The following CFAP54 variants were observed in gnomAD, a reference collection of about 807,000 sequenced individuals.
CFAP54 encodes the protein cilia- and flagella-associated protein 54.
A neutral mutation model predicts 370.4 loss-of-function variants in CFAP54; 290 were observed. That is an observed-to-expected ratio of 0.78 (90% CI 0.71 to 0.86). The LOEUF (loss-of-function observed/expected upper bound fraction) is 0.86. CFAP54 is among the 40% of genes least tolerant of loss of function. The probability of loss-of-function intolerance (pLI) is 0.00; values close to 1 mark genes in which losing one functional copy is unlikely to be tolerated. For synonymous variants in CFAP54, 1,206 were observed against 1,236.5 expected, an observed-to-expected ratio of 0.98 and a Z score of 0.52; for missense variants, 3,399 against 3,528.7, an observed-to-expected ratio of 0.96 and a Z score of 0.93.
intron 39 of CFAP54, among the ~76,000 whole-genome samples, chr12:96,677,494 C>G (rs1957224641): frequency 6.6e-6 from 1 of 152,112 alleles, no homozygotes; most frequent in African/African-American, 2.4e-5. Flanking sequence ...AACCTACAAT[C>G]TTCGGGGTGT....
chr12:96,547,970 A>G lies in CFAP54; in HGVS notation c.2146A>G (p.Ile716Val). 1 of 1,466,052 alleles carries G rather than the reference A, an allele frequency of 6.8e-7. No individual in the cohort carries two copies. The highest frequency in any genetic ancestry group is 9.1e-7 in the Non-Finnish European group (1 of 1,096,348). 90.8% of individuals were successfully genotyped at this position (1,466,052 alleles called of 1,614,324 possible). ...APKGITEILPILQKNPVEQLL... is the reference protein window; with the variant it reads ...APKGITEILPVLQKNPVEQLL... The stretch of plus-strand genomic sequence containing the variant: ...AAAAGGGATCACAGAAATTCTTCCA[A>G]TATTACAGGTATTACTACATATTTA... Residue 716 changes from isoleucine (I) to valine (V), a missense_variant, in exon 15 of 68, where the codon ATA becomes GTA. This residue lies in a region of CFAP54 where 2,796 missense variants were observed against 2,869.7 expected (regional missense o/e 0.97). Transcript: ENST00000524981.
chr12:96,775,218 AG>A (rs1228415061), intron 60 of CFAP54, among the ~76,000 whole-genome samples: 2 of 152,160 alleles, frequency 1.3e-5, no homozygotes, highest in Non-Finnish European at 2.9e-5. Flanking sequence ...TCATGAGGTC[AG>A]GAGTTCGAGA....
At chr12:96,802,061 T>G (rs905884842) in intron 63 of CFAP54, among the ~76,000 whole-genome samples, 6 of 152,152 alleles carry the variant, frequency 3.9e-5, no homozygotes, top group African/African-American at 1.4e-4. Context: ...CCTAAGGTGC[T>G]GTTTTGAGAG....
At chr12:96,863,632 C>G (rs758472252) in intron 67 of CFAP54, among the ~76,000 whole-genome samples, 1 of 152,146 alleles carries the variant, frequency 6.6e-6, no homozygotes, top group Admixed American at 6.5e-5. Context: ...ACTGGGACAC[C>G]TGTCATCTGC....
intron 26 of CFAP54, among the ~76,000 whole-genome samples, chr12:96,615,218 A>G (rs532860660): frequency 2.2e-4 from 33 of 152,320 alleles, no homozygotes; most frequent in African/African-American, 7.9e-4. Flanking sequence ...CACATCTACA[A>G]CCATCTGATC....
At chr12:96,493,505 T>G (rs1954909800) in intron 1 of CFAP54, among the ~76,000 whole-genome samples, 1 of 152,176 alleles carries the variant, frequency 6.6e-6, no homozygotes, top group Non-Finnish European at 1.5e-5. Flanking sequence ...TATTTTATGG[T>G]AATTTAGGAA....
At chr12:96,547,238 T>A (rs1203301466) in intron 14 of CFAP54, among the ~76,000 whole-genome samples, 2 of 152,170 alleles carry the variant, frequency 1.3e-5, no homozygotes, top group African/African-American at 4.8e-5. Flanking sequence ...CAGGCTGGAG[T>A]GCAGTGGCAT....
intron 64 of CFAP54, among the ~76,000 whole-genome samples, chr12:96,814,464 C>T (rs1826583906): frequency 6.6e-6 from 1 of 152,182 alleles, no homozygotes; most frequent in Non-Finnish European, 1.5e-5. Context: ...CATGACTCAT[C>T]AAGTCTTTCA....
intron 55 of CFAP54, among the ~76,000 whole-genome samples, chr12:96,744,778 A>C (rs553441191): frequency 1.3e-5 from 2 of 152,174 alleles, no homozygotes; most frequent in African/African-American, 4.8e-5. Context: ...AATGTGTGCC[A>C]TGATGGTTTC....
At chr12:96,666,646 T>C (rs1957084166) in intron 39 of CFAP54, among the ~76,000 whole-genome samples, 1 of 152,024 alleles carries the variant, frequency 6.6e-6, no homozygotes, top group Non-Finnish European at 1.5e-5. Flanking sequence ...CATGGGAAAA[T>C]CCACCCCGAT....
At chr12:96,534,447 TC>T (rs1657407864) in intron 11 of CFAP54, among the ~76,000 whole-genome samples, 1 of 152,114 alleles carries the variant, frequency 6.6e-6, no homozygotes, top group Non-Finnish European at 1.5e-5. Flanking sequence ...ATGATGTAGT[TC>T]CTGGGCTTTG....
chr12:96,535,476 G>T (rs992048247), intron 11 of CFAP54, 39 bp from the exon 12 acceptor site: 2 of 1,328,026 alleles, frequency 1.5e-6, no homozygotes, highest in Non-Finnish European at 2.1e-6. Flanking sequence ...TTTTGTAAGT[G>T]ATTTTTTTGT....
At position 96,827,759 on chromosome 12, in the gene CFAP54, CATATT is replaced by C. The variant is rs1441551119; in HGVS notation, c.9097-1245_9097-1241del. Among the ~76,000 whole-genome samples, 327 of 43,582 alleles carry C rather than the reference CATATT, an allele frequency of 7.5e-3. 5 individuals carry two copies. Among genetic ancestry groups the C allele is most frequent in the African/African-American group, 0.024 (294 of 12,374 alleles). The allele number at this position is 43,582 out of a possible 152,430, so 28.6% of individuals were successfully genotyped here. On this transcript the variant is annotated intron_variant, in intron 65 of 67. Coordinates refer to ENST00000524981, the MANE Select transcript of CFAP54 (RefSeq NM_001306084.2). ...TATAATTATATATAATACATAGTAA[CATATT>C]ATATTATATATAGTTATATATAATA...
chr12:96,682,465 TTC>T (rs1421182933), intron 40 of CFAP54: 3 of 251,414 alleles, frequency 1.2e-5, no homozygotes, highest in African/African-American at 7.0e-5. Context: ...AGCCTCAACC[TTC>T]TGGGCTCAAT....
chr12:96,647,472 C>CAAAAAAAAAAA (rs57089692), intron 33 of CFAP54, among the ~76,000 whole-genome samples: 1,141 of 40,752 alleles, frequency 0.028, 169 homozygotes, highest in Middle Eastern at 0.077. Context: ...GACTCTGTCC[C>CAAAAAAAAAAA]AAAAAAAAAA....
At chr12:96,695,753 C>T (rs1368831797) in intron 45 of CFAP54, among the ~76,000 whole-genome samples, 3 of 152,182 alleles carry the variant, frequency 2.0e-5, no homozygotes, top group African/African-American at 7.2e-5. Flanking sequence ...TGTCCACTCT[C>T]TATAGTGTTT....
Position 96,787,053 on chromosome 12 carries a change from C to A in CFAP54, c.8679+155C>A, listed in dbSNP as rs1409571522. On this transcript the variant is annotated intron_variant, in intron 62 of 67. Coordinates refer to ENST00000524981, the MANE Select transcript of CFAP54 (RefSeq NM_001306084.2). The stretch of plus-strand genomic sequence containing the variant: ...ATTCCTGTGTTACCATGTGGATAGG[C>A]TAACCAAACATCCTGGGATTTTAGG... Among the ~76,000 whole-genome samples the A allele has an allele frequency of 4.6e-5, 7 of 152,330 alleles. No individual in the cohort carries two copies. The South Asian group carries it at 1.4e-3, about 32-fold the overall frequency.
At chr12:96,527,589 T>A in intron 9 of CFAP54, 145 bp downstream of exon 9, 1 of 560,746 alleles carries the variant, frequency 1.8e-6, no homozygotes, top group African/African-American at 1.9e-5. Flanking sequence ...GTTTTTGAGA[T>A]AAGGTCTCTC....
chr12:96,646,913 G>C (rs1394198112), intron 33 of CFAP54: 3 of 152,070 alleles, frequency 2.0e-5, no homozygotes. Flanking sequence ...GAGAACACAT[G>C]GACACAGGAA....
Sources: gnomAD v4.1 joint callset for allele counts (sites outside exome capture counted in the v4.1 genomes callset) on GRCh38, gnomAD v4.1.1 for gene constraint, gnomAD v4.1.1 regional missense constraint, MANE v1.5 for transcripts, NCBI Gene and HGNC (gene_info 2026-07-23, HGNC 2026-07-21) for gene names.